RUBCN: variants seen among roughly 807,000 people sequenced by gnomAD.
The protein encoded by RUBCN is run domain Beclin-1-interacting and cysteine-rich domain-containing protein.
In RUBCN, 74 loss-of-function variants were observed where a neutral mutation model predicts 113.2. The ratio of observed to expected loss-of-function variants is 0.65; its 90% CI spans 0.54 to 0.79. RUBCN has a LOEUF of 0.79. RUBCN is among the 30% of genes least tolerant of loss of function. The pLI is 0.00. For synonymous variants in RUBCN, 480 were observed against 490.0 expected, an observed-to-expected ratio of 0.98 and a Z score of 0.27; for missense variants, 1,109 against 1,251.7, an observed-to-expected ratio of 0.89 and a Z score of 1.72.
At chr3:197,733,097 T>C (rs990749003) in intron 1 of RUBCN, among the ~76,000 whole-genome samples, 1 of 152,196 alleles carries the variant, frequency 6.6e-6, no homozygotes, top group South Asian at 2.1e-4. Context: ...CAAATGCAGG[T>C]CTGACTTTAA....
chr3:197,681,463 CA>C lies in RUBCN; in HGVS notation c.2192-97del. On this transcript the variant is annotated intron_variant, in intron 15 of 19. Transcript: ENST00000296343. The surrounding 1 kb of genome is among the most constrained non-coding windows in gnomAD (Gnocchi z 5.5). ...TTTCCCTTGAAAGGGCAGAGAGGGA[CA>C]GCCAATGGCCTCCAGCAACCTCTGT... 3 of 907,054 alleles carry C rather than the reference CA, an allele frequency of 3.3e-6. No individual in the cohort carries two copies. The highest frequency in any genetic ancestry group is 5.4e-6 in the Non-Finnish European group (3 of 558,930). The allele number at this position is 907,054 out of a possible 1,614,324, so 56.2% of individuals were successfully genotyped here. A position where few individuals can be genotyped will look rare whatever the true frequency, so the allele number is the denominator to read the frequency against.
At chr3:197,677,627 G>A (rs1720596141) in intron 16 of RUBCN, 86 bp from the exon 17 acceptor site, 1 of 1,260,240 alleles carries the variant, frequency 7.9e-7, no homozygotes, top group Non-Finnish European at 1.2e-6. Context: ...TTTAAACCCT[G>A]GGGTTCTAGA....
chr3:197,676,494 G>A (rs913800098), intron 18 of RUBCN: 74 of 686,966 alleles, frequency 1.1e-4, no homozygotes, highest in Admixed American at 4.8e-5. Context: ...CTGTATTTTA[G>A]TAGAGATGGG....
chr3:197,692,204 A>G (rs1306722276), intron 11 of RUBCN, among the ~76,000 whole-genome samples: 2 of 152,024 alleles, frequency 1.3e-5, no homozygotes, highest in Non-Finnish European at 2.9e-5. Flanking sequence ...TGAAACTTCA[A>G]TAAAAACTTG....
At chr3:197,714,197 T>TA (rs1580317315) in intron 2 of RUBCN, among the ~76,000 whole-genome samples, 2 of 152,346 alleles carry the variant, frequency 1.3e-5, no homozygotes, top group East Asian at 3.9e-4. Flanking sequence ...TTTTAACTGC[T>TA]ACGTCACTTT....
At chr3:197,717,406 C>T (rs9985445) in intron 2 of RUBCN, among the ~76,000 whole-genome samples, 4,078 of 145,852 alleles carry the variant, frequency 0.028, 113 homozygotes, top group African/African-American at 0.074. Context: ...ATCGCACCAC[C>T]GCACTCCAGC....
At chr3:197,737,050 A>G, upstream of RUBCN, 4 of 667,944 alleles carry the variant, frequency 6.0e-6, no homozygotes, top group Non-Finnish European at 7.9e-6. Context: ...GCGCCCTCCA[A>G]TCCCAGGCCG....
chr3:197,744,713 C>A (rs907012361), intron 1 of RUBCN, among the ~76,000 whole-genome samples: 5 of 151,984 alleles, frequency 3.3e-5, no homozygotes, highest in African/African-American at 1.2e-4. Flanking sequence ...GTGAAATAAT[C>A]CAGTTAAAAA....
At chr3:197,727,098 C>A (rs992555527) in intron 1 of RUBCN, among the ~76,000 whole-genome samples, 1 of 151,988 alleles carries the variant, frequency 6.6e-6, no homozygotes, top group Non-Finnish European at 1.5e-5. Flanking sequence ...TGACACCATG[C>A]CCAGCTAATT....
intron 1 of RUBCN, among the ~76,000 whole-genome samples, chr3:197,730,348 CA>C (rs1727272826): frequency 6.6e-6 from 1 of 152,042 alleles, no homozygotes; most frequent in South Asian, 2.1e-4. Flanking sequence ...CAAGTCAGTC[CA>C]AAAAGAGTCA....
chr3:197,672,569 T>TG lies in RUBCN; in HGVS notation c.*2448dup. On this transcript the variant is annotated 3_prime_UTR_variant, in exon 20 of 20. Transcript: ENST00000296343. ...GTGACAAGTGAGGAGCCTATGAGAC[T>TG]GTTGAGTTCGGCTTCAGAAGCTGTC... The TG allele has an allele frequency of 1.3e-5, 2 of 152,388 alleles. No homozygotes were observed. Among genetic ancestry groups the TG allele is most frequent in the Middle Eastern group, 6.8e-3 (2 of 294 alleles). The allele number at this position is 152,388 out of a possible 1,614,324, so 9.4% of individuals were successfully genotyped here.
upstream of RUBCN, among the ~76,000 whole-genome samples, chr3:197,739,090 G>T (rs938319099): frequency 6.6e-6 from 1 of 150,604 alleles, no homozygotes; most frequent in African/African-American, 2.4e-5. Context: ...ACAGGCATCC[G>T]CCACCACGCC....
At chr3:197,680,138 T>TGACTC (rs1721035362) in intron 16 of RUBCN, among the ~76,000 whole-genome samples, 1 of 124,968 alleles carries the variant, frequency 8.0e-6, no homozygotes, top group African/African-American at 3.1e-5. Flanking sequence ...TCCTACGCTC[T>TGACTC]GACAACTGGC....
intron 1 of RUBCN, among the ~76,000 whole-genome samples, chr3:197,743,113 G>A (rs999047925): frequency 1.3e-5 from 2 of 152,230 alleles, no homozygotes; most frequent in Non-Finnish European, 2.9e-5. Flanking sequence ...GGCCAGTAGT[G>A]CTCCTTTAAA....
chr3:197,682,419 T>G, intron 14 of RUBCN, 51 bp downstream of exon 14: 1 of 1,610,150 alleles, frequency 6.2e-7, no homozygotes, highest in Non-Finnish European at 8.5e-7. Flanking sequence ...ACCCTGACAA[T>G]CCAAAGAGGA....
chr3:197,737,978 T>C (rs1728315136), upstream of RUBCN, among the ~76,000 whole-genome samples: 1 of 152,150 alleles, frequency 6.6e-6, no homozygotes, highest in Non-Finnish European at 1.5e-5. Flanking sequence ...AGCCTGGAAC[T>C]CCTGGGCTCA....
Position 197,696,964 on chromosome 3 carries a change from G to C in RUBCN, c.1347C>G (p.Tyr449Ter), listed in dbSNP as rs757134210. 1 of 1,586,596 alleles carries C rather than the reference G, an allele frequency of 6.3e-7. No homozygotes were observed. The highest frequency in any genetic ancestry group is 8.7e-7 in the Non-Finnish European group (1 of 1,154,922). Residue 449 changes from tyrosine to a stop codon, truncating the protein, a stop_gained, in exon 8 of 20, where the codon TAC becomes TAG. Transcript: ENST00000296343. LOFTEE classifies it high-confidence loss of function. ...CTTCCTAGTACTCACCATATTCCATGTACAGAGAGCTGGGTGTGCTGACTT... is the reference window on the plus strand; with the variant it reads ...CTTCCTAGTACTCACCATATTCCATCTACAGAGAGCTGGGTGTGCTGACTT... Reference protein sequence around the residue: ...SSEVSTPSSLYMEYEGGRYLC... With the variant: ...SSEVSTPSSL
At chr3:197,703,124 C>T (rs1019120914) in intron 5 of RUBCN, among the ~76,000 whole-genome samples, 4 of 151,988 alleles carry the variant, frequency 2.6e-5, no homozygotes, top group African/African-American at 4.8e-5. Flanking sequence ...GCTGGCCGGG[C>T]GCGGTGGCTC....
At chr3:197,720,809 C>T (rs186079064) in intron 1 of RUBCN, among the ~76,000 whole-genome samples, 1 of 152,132 alleles carries the variant, frequency 6.6e-6, no homozygotes, top group African/African-American at 2.4e-5. Flanking sequence ...TTGTGTTTCC[C>T]CTGGATATAT....
Sources: gnomAD v4.1 joint callset for allele counts (sites outside exome capture counted in the v4.1 genomes callset) on GRCh38, gnomAD v4.1.1 for gene constraint, Gnocchi (gnomAD v3.1) non-coding constraint, MANE v1.5 for transcripts, NCBI Gene and HGNC (gene_info 2026-07-23, HGNC 2026-07-21) for gene names.